IMMT: variants seen among roughly 807,000 people sequenced by gnomAD.
The protein encoded by IMMT is MICOS complex subunit MIC60.
In IMMT, 40 loss-of-function variants were observed where a neutral mutation model predicts 92.7. That is an observed-to-expected ratio of 0.43 (90% CI 0.34 to 0.56). IMMT has a LOEUF of 0.56. Ranked by LOEUF, IMMT falls within the 20% of genes least tolerant of loss-of-function variation. The pLI is 0.03. For missense variants in IMMT, 831 were observed against 912.1 expected (o/e 0.91, Z 1.14); for synonymous variants, 322 against 336.1 (o/e 0.96, Z 0.46).
chr2:86,184,401 C>T (rs934771611), intron 1 of IMMT, among the ~76,000 whole-genome samples: 1 of 152,148 alleles, frequency 6.6e-6, no homozygotes. Context: ...GTTTTGAACT[C>T]ATGGCCTCAA....
intron 12 of IMMT, among the ~76,000 whole-genome samples, chr2:86,149,951 G>A (rs773071570): frequency 6.6e-6 from 1 of 152,118 alleles, no homozygotes; most frequent in African/African-American, 2.4e-5. Context: ...TTGGGCTAAG[G>A]TGGTAGTAAT....
chr2:86,159,840 G>T, intron 8 of IMMT, 169 bp from the exon 9 acceptor site: 3 of 433,834 alleles, frequency 6.9e-6, no homozygotes. Context: ...GATCACTTGA[G>T]CCCAGGAGTT....
intron 11 of IMMT, among the ~76,000 whole-genome samples, chr2:86,152,821 T>C (rs1003047643): frequency 6.6e-6 from 1 of 151,988 alleles, no homozygotes; most frequent in Non-Finnish European, 1.5e-5. Context: ...AAGTGAAGAA[T>C]TATGGCTCCA....
intron 14 of IMMT, 105 bp from the exon 15 acceptor site, chr2:86,144,986 A>G: frequency 7.5e-7 from 1 of 1,334,268 alleles, no homozygotes; most frequent in Non-Finnish European, 1.0e-6. Context: ...CATGTGCAAG[A>G]TGAGGCCAGA....
At chr2:86,154,657 A>G (rs1195231310) in intron 10 of IMMT, among the ~76,000 whole-genome samples, 2 of 152,172 alleles carry the variant, frequency 1.3e-5, no homozygotes, top group Admixed American at 6.5e-5. Flanking sequence ...TTCAAACTAA[A>G]TTTTCATTTA....
chr2:86,165,245 G>C (rs530340358), intron 7 of IMMT, among the ~76,000 whole-genome samples: 1 of 152,178 alleles, frequency 6.6e-6, no homozygotes, highest in African/African-American at 2.4e-5. Context: ...CCTTCTGAGG[G>C]ATACTGGTCT....
At chr2:86,181,190 C>A (rs764513137) in intron 2 of IMMT, 109 bp downstream of exon 2, 1 of 745,196 alleles carries the variant, frequency 1.3e-6, no homozygotes, top group Non-Finnish European at 2.4e-6. Flanking sequence ...GGTGTATGTA[C>A]CCCTTTTTAA....
rs1220378775 is a variant in IMMT at position 86,195,366 on chromosome 2, T to C, written c.17A>G (p.Gln6Arg). Residue 6 changes from glutamine to arginine, a missense_variant, in exon 1 of 15, where the codon CAG (glutamine) becomes CGG (arginine). Gln to Arg is a conservative substitution (Grantham distance 43). Coordinates refer to ENST00000410111, the MANE Select transcript of IMMT (RefSeq NM_006839.3). ...GGCGGCGGCGGTCACACCCGATAAC[T>C]GACAGGCCCGCAGCATCTCGGTCAA... MLRAC[Q>R]LSGVTAAAQS... 1.9e-6 allele frequency: 3 copies of C among 1,549,692 alleles called. No individual in the cohort carries two copies. The South Asian group carries it at 3.6e-5, about 19-fold the overall frequency.
chr2:86,180,137 A>G (rs1412498637), intron 2 of IMMT, among the ~76,000 whole-genome samples: 3 of 152,202 alleles, frequency 2.0e-5, no homozygotes, highest in Admixed American at 6.5e-5. Flanking sequence ...TTTAAATACA[A>G]TATCTAGAAA....
At chr2:86,181,198 TAAAAAAAGG>T in intron 2 of IMMT, 92 bp downstream of exon 2, 1 of 824,536 alleles carries the variant, frequency 1.2e-6, no homozygotes, top group Non-Finnish European at 2.0e-6. Context: ...TACCCCTTTT[TAAAAAAAGG>T]TTTAGACAGC....
intron 1 of IMMT, among the ~76,000 whole-genome samples, chr2:86,193,989 CAG>C (rs1248719360): frequency 2.0e-5 from 3 of 152,154 alleles, no homozygotes; most frequent in African/African-American, 7.2e-5. Flanking sequence ...ATTTGGAAGT[CAG>C]AGAGGCAAGC....
At position 86,146,598 on chromosome 2, in the gene IMMT, C is replaced by T. The variant is rs185531694; in HGVS notation, c.1534-401G>A. On this transcript the variant is annotated intron_variant, in intron 13 of 14. Transcript: ENST00000410111. The stretch of plus-strand genomic sequence containing the variant: ...CAGGATGGTCTCGATCTCTTAACCT[C>T]GTGATCCGCCCACCTCGGCCTCCCA... Among the ~76,000 whole-genome samples the T allele has an allele frequency of 4.6e-5, 7 of 152,214 alleles. No individual in the cohort carries two copies. In the East Asian group the frequency reaches 7.7e-4, roughly 17 times the overall value.
At chr2:86,182,058 T>C (rs533561290) in intron 1 of IMMT, among the ~76,000 whole-genome samples, 2 of 152,050 alleles carry the variant, frequency 1.3e-5, no homozygotes, top group South Asian at 2.1e-4. Flanking sequence ...TGGCTTGTGA[T>C]TGGTTTTAAT....
chr2:86,180,353 C>A (rs1672353318), intron 2 of IMMT, among the ~76,000 whole-genome samples: 2 of 152,090 alleles, frequency 1.3e-5, no homozygotes, highest in Admixed American at 1.3e-4. Context: ...GCAACCTCCA[C>A]CTCCCGGGTT....
At chr2:86,164,514 A>G (rs368918538) in intron 7 of IMMT, among the ~76,000 whole-genome samples, 11 of 151,812 alleles carry the variant, frequency 7.2e-5, no homozygotes, top group African/African-American at 2.2e-4. Flanking sequence ...AACATAGTGA[A>G]ACCCTCTCTG....
chr2:86,192,006 G>C (rs1212018403), intron 1 of IMMT, among the ~76,000 whole-genome samples: 1 of 152,194 alleles, frequency 6.6e-6, no homozygotes, highest in Admixed American at 6.5e-5. Context: ...GAGAAGGTGG[G>C]GATATTGCTT....
chr2:86,149,896 AAAG>A (rs1228992157), intron 12 of IMMT, among the ~76,000 whole-genome samples: 4 of 138,292 alleles, frequency 2.9e-5, no homozygotes, highest in African/African-American at 5.5e-5. Context: ...AAAAAAAAAA[AAAG>A]AAAGAAAAAG....
chr2:86,188,132 C>T (rs958115390), intron 1 of IMMT, among the ~76,000 whole-genome samples: 2 of 151,984 alleles, frequency 1.3e-5, no homozygotes. Context: ...CTTCGCCTCC[C>T]GGGTTCAAGT....
At chr2:86,181,671 G>A (rs1056432813) in intron 1 of IMMT, among the ~76,000 whole-genome samples, 2 of 151,384 alleles carry the variant, frequency 1.3e-5, no homozygotes, top group Non-Finnish European at 2.9e-5. Context: ...AATACAATTG[G>A]TATTTGCTAT....
Sources: gnomAD v4.1 joint callset for allele counts (sites outside exome capture counted in the v4.1 genomes callset) on GRCh38, gnomAD v4.1.1 for gene constraint, MANE v1.5 for transcripts, NCBI Gene and HGNC (gene_info 2026-07-23, HGNC 2026-07-21) for gene names.